SAXO1: variants seen among roughly 807,000 people sequenced by gnomAD.
SAXO1 encodes stabilizer of axonemal microtubules 1.
A neutral mutation model predicts 17.5 loss-of-function variants in SAXO1; 21 were observed. The ratio of observed to expected loss-of-function variants is 1.20; its 90% confidence interval spans 0.85 to 1.72. The LOEUF (loss-of-function observed/expected upper bound fraction) is 1.72. Ranked by LOEUF, SAXO1 falls within the 40% of genes most tolerant of loss-of-function variation. SAXO1 has a pLI of 0.00. For synonymous variants in SAXO1, 274 were observed against 216.5 expected (o/e 1.27, Z -2.33); for missense variants, 843 against 596.0 (o/e 1.41, Z -4.32).
At chr9:18,998,927 G>T (rs1834127974) in intron 1 of SAXO1, among the ~76,000 whole-genome samples, 1 of 152,194 alleles carries the variant, frequency 6.6e-6, no homozygotes, top group African/African-American at 2.4e-5. Context: ...TCACCACCAG[G>T]CCTGCCTTAC....
chr9:19,037,489 C>A (rs1392667203), upstream of SAXO1, among the ~76,000 whole-genome samples: 1 of 152,188 alleles, frequency 6.6e-6, no homozygotes, highest in Non-Finnish European at 1.5e-5. Flanking sequence ...ATACTGTTCT[C>A]ATGGTAGTAA....
chr9:18,996,079 CAA>C (rs61569381), intron 1 of SAXO1, among the ~76,000 whole-genome samples: 1 of 140,082 alleles, frequency 7.1e-6, no homozygotes. Flanking sequence ...AACTACATCT[CAA>C]AAAAAAAAAA....
chr9:19,017,142 C>CAAGGCA (rs1025425854), intron 1 of SAXO1, among the ~76,000 whole-genome samples: 1 of 150,706 alleles, frequency 6.6e-6, no homozygotes, highest in Non-Finnish European at 1.5e-5. Flanking sequence ...GAACTTGTTG[C>CAAGGCA]AAGGCAAAGG....
chr9:19,012,534 G>C (rs1393106581), intron 1 of SAXO1, among the ~76,000 whole-genome samples: 1 of 152,184 alleles, frequency 6.6e-6, no homozygotes, highest in Non-Finnish European at 1.5e-5. Flanking sequence ...GGGGACGGTG[G>C]GCACAGAGTT....
At position 19,021,749 on chromosome 9, in the gene SAXO1, A is replaced by G. The variant is rs369177035; in HGVS notation, c.38+11122T>C. Among the ~76,000 whole-genome samples the G allele has an allele frequency of 2.6e-4, 40 of 152,334 alleles. 1 individual carries two copies. In the East Asian group the frequency reaches 7.3e-3, roughly 28 times the overall value. On this transcript the variant is annotated intron_variant, in intron 1 of 3. Transcript: ENST00000380534. ...TTTTGTGTCTAGCTAAAGGATTGCAAATGCACCAATCAGCACTCTGTAAAA... is the reference window on the plus strand; with the variant it reads ...TTTTGTGTCTAGCTAAAGGATTGCAGATGCACCAATCAGCACTCTGTAAAA...
In SAXO1 at chr9:19,033,139, G is replaced by A. The variant is rs1000313821; in HGVS notation, c.-231C>T. 1.5e-5 allele frequency: 7 copies of A among 472,304 alleles called. No individual in the cohort carries two copies. Among genetic ancestry groups the A allele is most frequent in the African/African-American group, 2.0e-5 (1 of 49,990 alleles). The allele number at this position is 472,304 out of a possible 1,614,324, so 29.3% of individuals were successfully genotyped here. On this transcript the variant is annotated 5_prime_UTR_variant, in exon 1 of 4. Transcript: ENST00000380534. ...AGGGGGCTTGCACGCGCGCCAGCCC[G>A]GGAGACCTCACCCTGCACGCCACCG...
intron 1 of SAXO1, among the ~76,000 whole-genome samples, chr9:19,046,166 A>G (rs1173570641): frequency 6.6e-6 from 1 of 151,954 alleles, no homozygotes. Context: ...TAAACGGGAT[A>G]AAAACTTTTT....
intron 1 of SAXO1, among the ~76,000 whole-genome samples, chr9:18,971,587 T>C (rs971029654): frequency 6.6e-6 from 1 of 152,182 alleles, no homozygotes; most frequent in African/African-American, 2.4e-5. Flanking sequence ...CTCACTGTTA[T>C]AAGACACCCC....
At chr9:19,024,132 A>G (rs908898731) in intron 1 of SAXO1, among the ~76,000 whole-genome samples, 10 of 142,566 alleles carry the variant, frequency 7.0e-5, no homozygotes, top group African/African-American at 2.6e-4. Flanking sequence ...TGAGACATGT[A>G]AGAGTCCCTC....
At chr9:18,932,837 G>A (rs1397175143) in intron 3 of SAXO1, among the ~76,000 whole-genome samples, 3 of 152,162 alleles carry the variant, frequency 2.0e-5, no homozygotes, top group Non-Finnish European at 2.9e-5. Context: ...GATTGTCCAT[G>A]CTAGAATACA....
At position 18,928,934 on chromosome 9, in the gene SAXO1, G is replaced by T; in HGVS notation, c.543C>A (p.Gly181=). The T allele has an allele frequency of 1.9e-6, 3 of 1,614,168 alleles. No homozygotes were observed. Among genetic ancestry groups the T allele is most frequent in the Non-Finnish European group, 2.5e-6 (3 of 1,180,026 alleles). The change falls in exon 4 of 4, where the codon GGC becomes GGA. Residue 181 remains glycine, a synonymous_variant. Transcript: ENST00000380534. ...TTHQDDYPIK[G]LVKTISCKPL... is the part of the protein sequence containing the mutation. ...GTTTACAGCTTATGGTCTTCACAAG[G>T]CCTTTTATGGGGTAATCGTCCTGGT...
chr9:19,011,078 T>C (rs145192190), intron 1 of SAXO1, among the ~76,000 whole-genome samples: 124 of 152,346 alleles, frequency 8.1e-4, no homozygotes, highest in African/African-American at 2.8e-3. Flanking sequence ...AATTGTTTTA[T>C]GTAGATGTTT....
intron 1 of SAXO1, among the ~76,000 whole-genome samples, chr9:19,026,302 T>C (rs1835469041): frequency 6.6e-6 from 1 of 152,192 alleles, no homozygotes; most frequent in Non-Finnish European, 1.5e-5. Context: ...TTTTAACACC[T>C]AGCAGTGTCT....
intron 3 of SAXO1, among the ~76,000 whole-genome samples, chr9:18,939,014 AAG>A (rs1831435062): frequency 6.6e-6 from 1 of 151,902 alleles, no homozygotes; most frequent in South Asian, 2.1e-4. Context: ...GGCAAGGTGG[AAG>A]AGAGGGAACT....
intron 3 of SAXO1, among the ~76,000 whole-genome samples, chr9:18,937,461 GC>G (rs1213202519): frequency 6.6e-6 from 1 of 152,202 alleles, no homozygotes. Context: ...AGTTTGGGAA[GC>G]CCTTCTATCA....
chr9:18,997,146 C>T (rs188267796), intron 1 of SAXO1, among the ~76,000 whole-genome samples: 2 of 152,280 alleles, frequency 1.3e-5, no homozygotes, highest in African/African-American at 2.4e-5. Context: ...AGGGCATTGC[C>T]TCACCCAGGA....
intron 1 of SAXO1, among the ~76,000 whole-genome samples, chr9:19,024,986 T>C (rs139295319): frequency 1.1e-4 from 17 of 152,324 alleles, no homozygotes; most frequent in African/African-American, 4.1e-4. Context: ...ACTGCTGTAA[T>C]TGGAATATGA....
At chr9:18,992,570 TA>T (rs1320401261) in intron 1 of SAXO1, among the ~76,000 whole-genome samples, 1 of 152,132 alleles carries the variant, frequency 6.6e-6, no homozygotes, top group African/African-American at 2.4e-5. Context: ...ATTCAATCCA[TA>T]ACACACAGCT....
At chr9:18,958,525 A>T (rs1268025824) in intron 1 of SAXO1, among the ~76,000 whole-genome samples, 1 of 152,112 alleles carries the variant, frequency 6.6e-6, no homozygotes, top group African/African-American at 2.4e-5. Flanking sequence ...AGTATAAGTC[A>T]GAGAAAAGCA....
Sources: allele counts gnomAD v4.1 joint callset (sites outside exome capture counted in the v4.1 genomes callset), GRCh38; gene constraint gnomAD v4.1.1; transcripts MANE v1.5; gene names NCBI Gene and HGNC (gene_info 2026-07-23, HGNC 2026-07-21).